HOMER2: variants seen among roughly 807,000 people sequenced by gnomAD.
HOMER2 encodes the protein homer scaffold protein 2.
A neutral mutation model predicts 47.0 loss-of-function variants in HOMER2; 27 were observed. That is an observed-to-expected ratio of 0.57 (90% CI 0.42 to 0.79). HOMER2 has a LOEUF of 0.79. Ranked by LOEUF, HOMER2 falls within the 30% of genes least tolerant of loss-of-function variation. The pLI, the probability that HOMER2 is intolerant of heterozygous loss-of-function variation, is 0.00. For synonymous variants in HOMER2, 161 were observed against 163.8 expected (o/e 0.98, Z 0.13); for missense variants, 443 against 435.0 (o/e 1.02, Z -0.16).
chr15:82,930,616 G>GC (rs1288163050), intron 1 of HOMER2, among the ~76,000 whole-genome samples: 1 of 152,212 alleles, frequency 6.6e-6, no homozygotes, highest in Non-Finnish European at 1.5e-5. Context: ...CTTGGGCCTG[G>GC]CCCACAGTCA....
At chr15:82,874,015 A>C (rs1270058941) in intron 3 of HOMER2, among the ~76,000 whole-genome samples, 1 of 152,204 alleles carries the variant, frequency 6.6e-6, no homozygotes, top group Non-Finnish European at 1.5e-5. Flanking sequence ...CCCTCTTTGA[A>C]AACTGTCTTC....
In HOMER2 at chr15:82,913,680, T is replaced by C. The variant is rs1475212444; in HGVS notation, c.6-20839A>G. On this transcript the variant is annotated intron_variant, in intron 1 of 8. Transcript: ENST00000450735. The surrounding 1 kb of genome is among the most constrained non-coding windows in gnomAD (Gnocchi z 4.1). ...AAGCTTTGCATGCCTTAGGAAATGT[T>C]CTTGCTGCAGTCCCTCCATCCTGGA... Among the ~76,000 whole-genome samples the C allele has an allele frequency of 6.6e-6, 1 of 152,190 alleles. No individual in the cohort carries two copies. Among genetic ancestry groups the C allele is most frequent in the Non-Finnish European group, 1.5e-5 (1 of 68,034 alleles).
intron 3 of HOMER2, among the ~76,000 whole-genome samples, chr15:82,865,969 CAA>C: frequency 6.6e-6 from 1 of 152,298 alleles, no homozygotes; most frequent in South Asian, 2.1e-4. Context: ...AATGTGGGGT[CAA>C]AGTCCCCCAC....
chr15:82,871,971 T>C (rs908628604), intron 3 of HOMER2, among the ~76,000 whole-genome samples: 2 of 152,164 alleles, frequency 1.3e-5, no homozygotes, highest in South Asian at 2.1e-4. Flanking sequence ...CAAACCATCC[T>C]TGGCTTCAGG....
At chr15:82,940,193 T>C (rs1220786662) in intron 1 of HOMER2, among the ~76,000 whole-genome samples, 1 of 152,014 alleles carries the variant, frequency 6.6e-6, no homozygotes, top group Non-Finnish European at 1.5e-5. Flanking sequence ...ATTGTGCACA[T>C]GTACCCTAGA....
At chr15:82,923,816 C>T (rs989834584) in intron 1 of HOMER2, among the ~76,000 whole-genome samples, 1 of 152,218 alleles carries the variant, frequency 6.6e-6, no homozygotes. Flanking sequence ...TTACCATCAA[C>T]CTCCTTCATT....
chr15:82,974,846 G>A (rs1233608106), intron 1 of HOMER2, among the ~76,000 whole-genome samples: 1 of 152,210 alleles, frequency 6.6e-6, no homozygotes, highest in Non-Finnish European at 1.5e-5. Flanking sequence ...GAGGCAGGTG[G>A]ATCGCCTGAG....
intron 1 of HOMER2, among the ~76,000 whole-genome samples, chr15:82,977,624 G>A (rs1180130681): frequency 6.6e-6 from 1 of 152,172 alleles, no homozygotes; most frequent in African/African-American, 2.4e-5. Context: ...CAGCCTCAGT[G>A]CTAGGTGCTG....
At chr15:82,854,876 T>G in intron 5 of HOMER2, 76 bp from the exon 6 acceptor site, 1 of 1,528,014 alleles carries the variant, frequency 6.5e-7, no homozygotes. Flanking sequence ...GGAAGGGGAC[T>G]CCGCCATCCC....
At chr15:82,847,471 G>A (rs917554820), downstream of HOMER2, among the ~76,000 whole-genome samples, 2 of 152,158 alleles carry the variant, frequency 1.3e-5, no homozygotes, top group African/African-American at 4.8e-5. Flanking sequence ...CTGCCCACAG[G>A]ATGCTCACCA....
Position 82,854,634 on chromosome 15 carries a change from C to T in HOMER2, c.651+10G>A, listed in dbSNP as rs374668497. The stretch of plus-strand genomic sequence containing the variant: ...CTGGCCTCGGGGCTCACTGCATCCA[C>T]CGTACCCACCTTGTTGCGGAGCCGG... On this transcript the variant is annotated intron_variant, in intron 6 of 8. Transcript: ENST00000450735. 2.1e-5 allele frequency: 34 copies of T among 1,608,586 alleles called. No homozygotes were observed. The African/African-American group carries it at 3.3e-4, about 16-fold the overall frequency.
At chr15:82,910,252 G>A (rs1173174159) in intron 1 of HOMER2, among the ~76,000 whole-genome samples, 1 of 152,000 alleles carries the variant, frequency 6.6e-6, no homozygotes, top group East Asian at 1.9e-4. Flanking sequence ...GCCAGGTGAG[G>A]TGTCAAAGCC....
intron 1 of HOMER2, among the ~76,000 whole-genome samples, chr15:82,967,312 T>C (rs1053414413): frequency 2.0e-5 from 3 of 152,040 alleles, no homozygotes; most frequent in African/African-American, 4.8e-5. Flanking sequence ...TCTGTGAAAA[T>C]TGAACACCAT....
intron 1 of HOMER2, among the ~76,000 whole-genome samples, chr15:82,938,685 CAT>C (rs1378775559): frequency 6.6e-6 from 1 of 152,186 alleles, no homozygotes; most frequent in African/African-American, 2.4e-5. Context: ...CCGCTCCTCA[CAT>C]ACTCACTTAT....
At chr15:82,880,299 A>C (rs1408472511) in intron 2 of HOMER2, among the ~76,000 whole-genome samples, 3 of 152,246 alleles carry the variant, frequency 2.0e-5, no homozygotes, top group Non-Finnish European at 4.4e-5. Context: ...TGACCCTTAG[A>C]GAAAAAGTTT....
chr15:82,898,359 T>C (rs1299511351), intron 1 of HOMER2: 1 of 151,942 alleles, frequency 6.6e-6, no homozygotes, highest in Non-Finnish European at 1.5e-5. Flanking sequence ...AGGGAAAAGC[T>C]GAAGAGAGTG....
intron 3 of HOMER2, among the ~76,000 whole-genome samples, chr15:82,874,406 T>C (rs1312674980): frequency 2.0e-5 from 3 of 152,208 alleles, no homozygotes; most frequent in African/African-American, 7.2e-5. Context: ...AGGGCTCTTC[T>C]ACCACCCTAA....
intron 1 of HOMER2, among the ~76,000 whole-genome samples, chr15:82,944,669 G>C (rs2151225286): frequency 6.6e-6 from 1 of 152,212 alleles, no homozygotes; most frequent in South Asian, 2.1e-4. Flanking sequence ...GTGTATCAAA[G>C]AGAAGTTCTT....
chr15:82,966,602 C>T (rs908128375), intron 1 of HOMER2, among the ~76,000 whole-genome samples: 4 of 152,058 alleles, frequency 2.6e-5, no homozygotes, highest in Admixed American at 1.3e-4. Flanking sequence ...AAAACAAAGG[C>T]GGGAAAATGT....
Sources: gnomAD v4.1 joint callset for allele counts (sites outside exome capture counted in the v4.1 genomes callset) on GRCh38, gnomAD v4.1.1 for gene constraint, Gnocchi (gnomAD v3.1) non-coding constraint, MANE v1.5 for transcripts, NCBI Gene and HGNC (gene_info 2026-07-23, HGNC 2026-07-21) for gene names.